SIPA1L1: variants seen among roughly 807,000 people sequenced by gnomAD.
SIPA1L1 encodes signal induced proliferation associated 1 like 1, also known as signal-induced proliferation-associated 1-like protein 1.
A neutral mutation model predicts 162.7 loss-of-function variants in SIPA1L1; 26 were observed. The ratio of observed to expected loss-of-function variants is 0.16; its 90% CI spans 0.12 to 0.22. The LOEUF (loss-of-function observed/expected upper bound fraction) is 0.22. Among genes scored for constraint, SIPA1L1 ranks in the 10% least tolerant of loss-of-function variants. The probability of loss-of-function intolerance (pLI) is 1.00; values close to 1 mark genes in which losing one functional copy is unlikely to be tolerated. For missense variants in SIPA1L1, 1,874 were observed against 2,241.0 expected (o/e 0.84, Z 3.31); for synonymous variants, 829 against 837.4 (o/e 0.99, Z 0.17).
intron 2 of SIPA1L1, among the ~76,000 whole-genome samples, chr14:71,483,701 A>C (rs575682773): frequency 6.6e-6 from 1 of 152,292 alleles, no homozygotes; most frequent in South Asian, 2.1e-4. Flanking sequence ...TACAAAAAGC[A>C]TGTCTAACCA....
intron 2 of SIPA1L1, among the ~76,000 whole-genome samples, chr14:71,471,741 G>A (rs1315938290): frequency 6.6e-6 from 1 of 152,226 alleles, no homozygotes. Flanking sequence ...AGAACAGGTT[G>A]GGAGTTGGAT....
intron 19 of SIPA1L1, among the ~76,000 whole-genome samples, chr14:71,725,550 T>C (rs2084156211): frequency 6.6e-6 from 1 of 152,228 alleles, no homozygotes; most frequent in African/African-American, 2.4e-5. Flanking sequence ...TTTTGTGTTG[T>C]CCAGACCTTT....
At chr14:71,461,617 C>G (rs1233417121) in intron 2 of SIPA1L1, among the ~76,000 whole-genome samples, 3 of 152,214 alleles carry the variant, frequency 2.0e-5, no homozygotes, top group African/African-American at 4.8e-5. Flanking sequence ...ATCCTTCATC[C>G]AAGTCCCTGA....
intron 2 of SIPA1L1, among the ~76,000 whole-genome samples, chr14:71,331,112 C>T (rs1057447593): frequency 6.6e-6 from 1 of 152,130 alleles, no homozygotes; most frequent in East Asian, 1.9e-4. Flanking sequence ...TATTCATTTG[C>T]ATGTGGGTAT....
intron 2 of SIPA1L1, among the ~76,000 whole-genome samples, chr14:71,322,544 A>G (rs2033181698): frequency 6.6e-6 from 1 of 152,246 alleles, no homozygotes; most frequent in South Asian, 2.1e-4. Flanking sequence ...GATGTGTCCA[A>G]CTATTAGATG....
intron 2 of SIPA1L1, among the ~76,000 whole-genome samples, chr14:71,400,184 C>T (rs1307617390): frequency 1.3e-5 from 2 of 152,070 alleles, no homozygotes; most frequent in Non-Finnish European, 2.9e-5. Context: ...TTCTTGTCAT[C>T]TTAATACCAA....
chr14:71,562,315 T>C (rs1208101175), intron 4 of SIPA1L1, among the ~76,000 whole-genome samples: 1 of 152,046 alleles, frequency 6.6e-6, no homozygotes, highest in Admixed American at 6.6e-5. Context: ...AATAATAATT[T>C]TTTGTTGTTT....
chr14:71,435,450 G>T (rs895332085), intron 2 of SIPA1L1, among the ~76,000 whole-genome samples: 2 of 152,020 alleles, frequency 1.3e-5, no homozygotes, highest in Non-Finnish European at 2.9e-5. Context: ...CTTGTGATAG[G>T]TTGCTGAGAA....
At chr14:71,738,626 ATGTAGTC>A (rs2085536959) in intron 23 of SIPA1L1, among the ~76,000 whole-genome samples, 1 of 152,150 alleles carries the variant, frequency 6.6e-6, no homozygotes, top group Non-Finnish European at 1.5e-5. Context: ...CCAGACCCCC[ATGTAGTC>A]GGTGTTATTG....
At chr14:71,670,476 A>T (rs945544391) in intron 10 of SIPA1L1, among the ~76,000 whole-genome samples, 1 of 152,222 alleles carries the variant, frequency 6.6e-6, no homozygotes, top group African/African-American at 2.4e-5. Context: ...ATGATTTTAA[A>T]GCGTTGTTGC....
At chr14:71,650,197 G>A (rs752619961) in intron 7 of SIPA1L1, 138 bp from the exon 8 acceptor site, 9 of 881,898 alleles carry the variant, frequency 1.0e-5, no homozygotes, top group South Asian at 3.0e-5. Context: ...GATCAAAGAC[G>A]GAAAATACAG....
At chr14:71,394,365 A>G (rs1333053909) in intron 2 of SIPA1L1, among the ~76,000 whole-genome samples, 3 of 152,246 alleles carry the variant, frequency 2.0e-5, no homozygotes, top group Admixed American at 6.5e-5. Flanking sequence ...TTTTGTAGCT[A>G]GAAAATGGTT....
At chr14:71,615,677 G>A (rs1429793615) in intron 5 of SIPA1L1, among the ~76,000 whole-genome samples, 2 of 152,150 alleles carry the variant, frequency 1.3e-5, no homozygotes, top group African/African-American at 4.8e-5. Flanking sequence ...TTGCAGATGT[G>A]CGTGGGACAA....
chr14:71,407,462 CTCCCTTCCCTCCAT>C (rs2042103617), intron 2 of SIPA1L1, among the ~76,000 whole-genome samples: 1 of 144,804 alleles, frequency 6.9e-6, no homozygotes, highest in Non-Finnish European at 1.5e-5. Context: ...CTCTCCCTCC[CTCCCTTCCCTCCAT>C]TCCCTTCCCT....
At chr14:71,717,134 A>G (rs1411057784) in intron 17 of SIPA1L1, among the ~76,000 whole-genome samples, 1 of 152,144 alleles carries the variant, frequency 6.6e-6, no homozygotes, top group Non-Finnish European at 1.5e-5. Flanking sequence ...TCCTGACCTC[A>G]TGATCCACCC....
At chr14:71,542,256 C>CTCT (rs536583206) in intron 4 of SIPA1L1, among the ~76,000 whole-genome samples, 30 of 150,544 alleles carry the variant, frequency 2.0e-4, no homozygotes, top group South Asian at 6.4e-4. Flanking sequence ...CCTCCTCCTC[C>CTCT]TCTTCTTCTT....
At chr14:71,382,000 C>G in intron 2 of SIPA1L1, among the ~76,000 whole-genome samples, 1 of 152,238 alleles carries the variant, frequency 6.6e-6, no homozygotes, top group Middle Eastern at 3.4e-3. Flanking sequence ...TTTTAAAAGT[C>G]ATCAGTACTG....
rs187344404 is a variant in SIPA1L1 at position 71,516,831 on chromosome 14, G to A, written c.-362+3986G>A. Among the ~76,000 whole-genome samples, 1,036 of 152,148 alleles carry A rather than the reference G, an allele frequency of 6.8e-3. 9 individuals carry two copies. The highest frequency in any genetic ancestry group is 0.01 in the Non-Finnish European group (693 of 67,994). ...CTACTAAAAATACAAAAGTTGGCCTGGTGTGGTGGCGGGCGCCTGTAATCC... is the reference window on the plus strand; with the variant it reads ...CTACTAAAAATACAAAAGTTGGCCTAGTGTGGTGGCGGGCGCCTGTAATCC... On this transcript the variant is annotated intron_variant, in intron 3 of 23. Transcript: ENST00000381232.
chr14:71,376,221 T>C (rs1171169236), intron 2 of SIPA1L1, among the ~76,000 whole-genome samples: 1 of 152,158 alleles, frequency 6.6e-6, no homozygotes, highest in Non-Finnish European at 1.5e-5. Flanking sequence ...AAAAAATATA[T>C]GGCTACTTAG....
Sources: gnomAD v4.1 joint callset for allele counts (sites outside exome capture counted in the v4.1 genomes callset) on GRCh38, gnomAD v4.1.1 for gene constraint, MANE v1.5 for transcripts, NCBI Gene and HGNC (gene_info 2026-07-23, HGNC 2026-07-21) for gene names.